The following TAC4 variants were observed in gnomAD, a reference collection of about 807,000 sequenced individuals.
The protein encoded by TAC4 is tachykinin precursor 4.
A neutral mutation model predicts 17.7 loss-of-function variants in TAC4; 17 were observed. The observed-to-expected ratio is 0.96, with a 90% confidence interval of 0.66 to 1.44. The LOEUF is 1.44. Among genes scored for constraint, TAC4 ranks in the 40% most tolerant of loss-of-function variants. The pLI, the probability that TAC4 is intolerant of heterozygous loss-of-function variation, is 0.00. For synonymous variants in TAC4, 62 were observed against 52.4 expected (o/e 1.18, Z -0.79); for missense variants, 118 against 125.6 (o/e 0.94, Z 0.29).
chr17:49,840,031 A>G (rs1340102479), intron 3 of TAC4, 122 bp from the exon 4 acceptor site: 2 of 785,340 alleles, frequency 2.5e-6, no homozygotes, highest in East Asian at 5.2e-5. Flanking sequence ...GGGCCTTGCA[A>G]ATGGGATCAT....
In TAC4 at chr17:49,841,543, A is replaced by C. The variant is rs757140023; in HGVS notation, c.232+9T>G. On this transcript the variant is annotated intron_variant, in intron 3 of 4. Coordinates refer to ENST00000436235, the MANE Select transcript of TAC4 (RefSeq NM_001077506.2). ...GGGCATGTTGAAGGCAGGTTTGGGC[A>C]ATACTTACCTTTTTTTCTCCTTGGC... 6.3e-7 allele frequency: 1 copy of C among 1,579,692 alleles called. No homozygotes were observed. The highest frequency in any genetic ancestry group is 8.6e-7 in the Non-Finnish European group (1 of 1,164,038).
At chr17:49,841,086 A>G (rs968500921) in intron 3 of TAC4, among the ~76,000 whole-genome samples, 3 of 150,534 alleles carry the variant, frequency 2.0e-5, no homozygotes, top group African/African-American at 7.3e-5. Flanking sequence ...TTTAGTCGCC[A>G]TGTTGGCCAG....
chr17:49,847,205 C>A (rs746282282), intron 1 of TAC4: 5 of 1,290,124 alleles, frequency 3.9e-6, no homozygotes, highest in African/African-American at 3.0e-5. Context: ...TGTCTGCCCC[C>A]CTGGAAGCCT....
At chr17:49,841,106 G>A (rs766697871) in intron 3 of TAC4, among the ~76,000 whole-genome samples, 8 of 151,642 alleles carry the variant, frequency 5.3e-5, no homozygotes, top group African/African-American at 1.2e-4. Context: ...GGCTGGTCTC[G>A]AACTCCTGAC....
At chr17:49,843,737 G>C (rs1291326510) in intron 2 of TAC4, among the ~76,000 whole-genome samples, 1 of 152,144 alleles carries the variant, frequency 6.6e-6, no homozygotes, top group Admixed American at 6.5e-5. Flanking sequence ...GGGATTACAG[G>C]CACGTGCCAC....
In TAC4 at chr17:49,838,581, T is replaced by A. The variant is rs2074473388; in HGVS notation, c.*61A>T. 1 of 1,607,074 alleles carries A rather than the reference T, an allele frequency of 6.2e-7. No individual in the cohort carries two copies. Among genetic ancestry groups the A allele is most frequent in the South Asian group, 1.1e-5 (1 of 90,742 alleles). On this transcript the variant is annotated 3_prime_UTR_variant, in exon 5 of 5. Transcript: ENST00000436235. The stretch of plus-strand genomic sequence containing the variant: ...AGAGTTGGCCTGCCGGCTTGTCAGC[T>A]GTGACATCCAGGTAGGAAGAAGCGG...
intron 1 of TAC4, among the ~76,000 whole-genome samples, chr17:49,846,774 A>C (rs1397555159): frequency 6.6e-6 from 1 of 152,162 alleles, no homozygotes; most frequent in East Asian, 1.9e-4. Context: ...GCACTAGTTG[A>C]AGTTTTTAAC....
At chr17:49,841,497 G>A (rs1970438324) in intron 3 of TAC4, 55 bp downstream of exon 3, 2 of 1,509,956 alleles carry the variant, frequency 1.3e-6, no homozygotes, top group African/African-American at 1.4e-5. Flanking sequence ...TTGTGCTGAG[G>A]ACAACTCAGC....
Position 49,843,939 on chromosome 17 carries a change from AG to A in TAC4, c.199+124del. On this transcript the variant is annotated intron_variant, in intron 2 of 4. Transcript: ENST00000436235. ...ACAGTCTGTGCCACCCCATCTCATG[AG>A]CGACCCCTACTGGACTGGAGTACCT... The A allele has an allele frequency of 3.8e-6, 3 of 794,160 alleles. No homozygotes were observed. The Admixed American group carries it at 5.6e-5, about 15-fold the overall frequency. The allele number at this position is 794,160 out of a possible 1,614,324, so 49.2% of individuals were successfully genotyped here. A position where few individuals can be genotyped will look rare whatever the true frequency, so the allele number is the denominator to read the frequency against.
Position 49,844,640 on chromosome 17 carries a change from C to T in TAC4, c.106-483G>A, listed in dbSNP as rs541147194. ...GGGCATGGTGGTAGACACCTGTAAT[C>T]CCAGCTACTCAGGAGGCTGAGGCAG... On this transcript the variant is annotated intron_variant, in intron 1 of 4. Coordinates refer to ENST00000436235, the MANE Select transcript of TAC4 (RefSeq NM_001077506.2). Among the ~76,000 whole-genome samples the T allele has an allele frequency of 1.6e-3, 244 of 152,220 alleles. 1 individual carries two copies. The highest frequency in any genetic ancestry group is 5.4e-3 in the African/African-American group (224 of 41,528).
chr17:49,847,030 C>T (rs772854574), intron 1 of TAC4: 4 of 1,290,080 alleles, frequency 3.1e-6, no homozygotes, highest in African/African-American at 3.0e-5. Flanking sequence ...TTCAGACAAA[C>T]CGGAAAGGAA....
intron 1 of TAC4, 116 bp from the exon 2 acceptor site, chr17:49,844,273 C>A: frequency 4.7e-6 from 4 of 844,846 alleles, no homozygotes; most frequent in South Asian, 4.3e-5. Flanking sequence ...ACTTGCTGTG[C>A]ACTGGCACTG....
At chr17:49,846,924 T>A in intron 1 of TAC4, 1 of 1,276,972 alleles carries the variant, frequency 7.8e-7, no homozygotes, top group Non-Finnish European at 1.0e-6. Context: ...CCCTCCTCCG[T>A]TTTGCAGGTG....
intron 1 of TAC4, 150 bp from the exon 2 acceptor site, chr17:49,844,307 G>C (rs2074520911): frequency 3.1e-6 from 2 of 647,722 alleles, no homozygotes; most frequent in Admixed American, 4.9e-5. Context: ...ATTTTACACA[G>C]TACTGCACAT....
intron 1 of TAC4, chr17:49,846,276 T>C (rs1387703529): frequency 2.6e-6 from 3 of 1,135,866 alleles, no homozygotes; most frequent in Non-Finnish European, 2.2e-6. Context: ...TCCTGTTACC[T>C]CATTTTTTTT....
At chr17:49,847,004 T>C in intron 1 of TAC4, 5 of 1,290,142 alleles carry the variant, frequency 3.9e-6, no homozygotes, top group Non-Finnish European at 5.1e-6. Flanking sequence ...CTCTCCTCAC[T>C]GCACACACTT....
At chr17:49,844,954 T>C (rs1479302503) in intron 1 of TAC4, among the ~76,000 whole-genome samples, 3 of 152,104 alleles carry the variant, frequency 2.0e-5, no homozygotes, top group Non-Finnish European at 4.4e-5. Flanking sequence ...TGTAAGGAGG[T>C]TAAGTGACTT....
Position 49,841,552 on chromosome 17 carries a change from C to CT in TAC4, c.231dup (p.Ala78SerfsTer25). On this transcript the variant is annotated frameshift_variant and splice_region_variant, in exon 3 of 5. Coordinates refer to ENST00000436235, the MANE Select transcript of TAC4 (RefSeq NM_001077506.2). LOFTEE classifies it high-confidence loss of function. ...GAAGGCAGGTTTGGGCAATACTTAC[C>CT]TTTTTTTCTCCTTGGCTGGATCAGA... The CT allele has an allele frequency of 1.9e-6, 3 of 1,581,864 alleles. No homozygotes were observed. The highest frequency in any genetic ancestry group is 2.6e-6 in the Non-Finnish European group (3 of 1,164,948).
At chr17:49,845,606 A>G (rs1478452228) in intron 1 of TAC4, among the ~76,000 whole-genome samples, 4 of 152,126 alleles carry the variant, frequency 2.6e-5, no homozygotes, top group Admixed American at 6.5e-5. Context: ...CCCCTTTTCC[A>G]GGAAAGCTAA....
Sources: gnomAD v4.1 joint callset for allele counts (sites outside exome capture counted in the v4.1 genomes callset) on GRCh38, gnomAD v4.1.1 for gene constraint, MANE v1.5 for transcripts, NCBI Gene and HGNC (gene_info 2026-07-23, HGNC 2026-07-21) for gene names.